The following TCTN1 variants were observed in gnomAD, a reference collection of about 807,000 sequenced individuals.
TCTN1 encodes the protein tectonic family member 1, also known as tectonic-1.
TCTN1 carries 58 observed loss-of-function variants against 65.8 expected under a neutral mutation model. That is an observed-to-expected ratio of 0.88 (90% CI 0.71 to 1.10). The LOEUF is 1.10. Ranked by LOEUF, TCTN1 falls within the 50% of genes least tolerant of loss-of-function variation. The pLI is 0.00. For missense variants in TCTN1, 645 were observed against 719.4 expected, an observed-to-expected ratio of 0.90 and a Z score of 1.18; for synonymous variants, 273 against 289.1, an observed-to-expected ratio of 0.94 and a Z score of 0.57.
chr12:110,636,456 T>C, intron 6 of TCTN1, 25 bp from the exon 7 acceptor site: 2 of 1,361,648 alleles, frequency 1.5e-6, no homozygotes, highest in East Asian at 2.4e-5. Context: ...CTTAACACAA[T>C]TTTTTGTGGT....
chr12:110,631,693 C>T (rs1418354954), intron 4 of TCTN1, among the ~76,000 whole-genome samples: 1 of 152,192 alleles, frequency 6.6e-6, no homozygotes, highest in East Asian at 1.9e-4. Context: ...CTGAGCTGTT[C>T]CACTCTTAAC....
intron 6 of TCTN1, chr12:110,636,079 G>A (rs2066550100): frequency 8.7e-6 from 2 of 230,332 alleles, no homozygotes; most frequent in South Asian, 6.0e-5. Flanking sequence ...TTAGGAGTCT[G>A]TGGAAATCGC....
chr12:110,617,668 T>A (rs1175561052), intron 1 of TCTN1, among the ~76,000 whole-genome samples: 9 of 150,764 alleles, frequency 6.0e-5, no homozygotes, highest in Admixed American at 6.0e-4. Context: ...TGAGATGGAA[T>A]CTTGCCCTGT....
intron 4 of TCTN1, among the ~76,000 whole-genome samples, chr12:110,630,753 C>CT (rs1052426227): frequency 6.6e-6 from 1 of 152,032 alleles, no homozygotes; most frequent in African/African-American, 2.4e-5. Flanking sequence ...TAGAAAATTC[C>CT]TTTTTCAGTG....
chr12:110,635,455 A>T (rs900080845), intron 6 of TCTN1, among the ~76,000 whole-genome samples: 3 of 152,150 alleles, frequency 2.0e-5, no homozygotes, highest in African/African-American at 7.2e-5. Flanking sequence ...TCCCTACAAA[A>T]AATAATAAAA....
At position 110,632,541 on chromosome 12, in the gene TCTN1, A is replaced by G. The variant is rs1472091380; in HGVS notation, c.694A>G (p.Thr232Ala). The G allele has an allele frequency of 1.9e-6, 3 of 1,614,022 alleles. No homozygotes were observed. The highest frequency in any genetic ancestry group is 2.2e-5 in the East Asian group (1 of 44,880). ...FPSSLTSSLCTDNNPAAFLVN... is the reference protein window; with the variant it reads ...FPSSLTSSLCADNNPAAFLVN... ...TTCGTCCCTGACATCATCTCTGTGC[A>G]CTGATAATAACCCTGCAGGTAAGAA... Residue 232 changes from threonine to alanine, a missense_variant, in exon 5 of 15, where the codon ACT (threonine) becomes GCT (alanine). Thr to Ala is a moderately conservative substitution (Grantham distance 58). Coordinates refer to ENST00000397659, the MANE Select transcript of TCTN1 (RefSeq NM_001082538.3).
chr12:110,616,250 C>CTTT, intron 1 of TCTN1: 1 of 445,442 alleles, frequency 2.2e-6, no homozygotes, highest in Non-Finnish European at 4.5e-6. Context: ...TGTCCTCACA[C>CTTT]TTTATTTTTT....
At position 110,614,151 on chromosome 12, in the gene TCTN1, A is replaced by C. The variant is rs746566923; in HGVS notation, c.-32A>C. On this transcript the variant is annotated 5_prime_UTR_variant, in exon 1 of 15. An upstream start codon of the reference 5' UTR is lost. Coordinates refer to ENST00000397659, the MANE Select transcript of TCTN1 (RefSeq NM_001082538.3). ...GCGGTTGCCGGGCAACGCGCTGTCC[A>C]TGTCGCGGGCCTCGCTGGGACTCCC... 3.2e-6 allele frequency: 5 copies of C among 1,545,872 alleles called. No homozygotes were observed. The highest frequency in any genetic ancestry group is 4.4e-6 in the Non-Finnish European group (5 of 1,146,792).
chr12:110,627,098 CTTTTT>C (rs1272922586), intron 3 of TCTN1, among the ~76,000 whole-genome samples: 1 of 130,636 alleles, frequency 7.7e-6, no homozygotes, highest in Non-Finnish European at 1.6e-5. Flanking sequence ...TTCTTTCTTT[CTTTTT>C]TTTTTTTTTT....
intron 2 of TCTN1, among the ~76,000 whole-genome samples, chr12:110,620,962 G>A (rs886205432): frequency 4.6e-5 from 7 of 151,982 alleles, no homozygotes; most frequent in African/African-American, 7.2e-5. Flanking sequence ...ACAGGTGCAC[G>A]CCACGATGCC....
rs983453436 is a variant in TCTN1 at position 110,649,253 on chromosome 12, A to G, written c.*212A>G. On this transcript the variant is annotated 3_prime_UTR_variant, in exon 15 of 15. Transcript: ENST00000397659. ...AGCTCTTGGTGGTACTGGACCTTCC[A>G]CAAGGCTGTGTCCACCCAGAATCCA... 4 of 683,138 alleles carry G rather than the reference A, an allele frequency of 5.9e-6. No individual in the cohort carries two copies. Among genetic ancestry groups the G allele is most frequent in the African/African-American group, 5.4e-5 (3 of 55,926 alleles). 42.3% of individuals were successfully genotyped at this position (683,138 alleles called of 1,614,324 possible).
Position 110,644,411 on chromosome 12 carries a change from C to T in TCTN1, c.1332-556C>T, listed in dbSNP as rs1593372338. 5.9e-6 allele frequency: 1 copy of T among 168,468 alleles called. No homozygotes were observed. Among genetic ancestry groups the T allele is most frequent in the Admixed American group, 5.6e-5 (1 of 17,762 alleles). 10.4% of individuals were successfully genotyped at this position (168,468 alleles called of 1,614,324 possible). A position where few individuals can be genotyped will look rare whatever the true frequency, so the allele number is the denominator to read the frequency against. On this transcript the variant is annotated intron_variant, in intron 11 of 14. Transcript: ENST00000397659. The surrounding 1 kb of genome is among the most constrained non-coding windows in gnomAD (Gnocchi z 4.6). ...GCTCGTGGGGCTGAGAGCAGTGGCTCACGCCTGTAATCCCAGCACTTCGGG... is the reference window on the plus strand; with the variant it reads ...GCTCGTGGGGCTGAGAGCAGTGGCTTACGCCTGTAATCCCAGCACTTCGGG...
At chr12:110,619,981 A>G (rs754778537) in intron 2 of TCTN1, 25 bp downstream of exon 2, 1 of 1,614,160 alleles carries the variant, frequency 6.2e-7, no homozygotes, top group Non-Finnish European at 8.5e-7. Flanking sequence ...GACACATGCA[A>G]TTTTGAAAAA....
intron 3 of TCTN1, 136 bp downstream of exon 3, chr12:110,626,628 G>T: frequency 1.6e-5 from 13 of 812,148 alleles, no homozygotes; most frequent in Admixed American, 2.7e-5. Context: ...CACCCAGGCT[G>T]GCGTGCAGTG....
Position 110,647,205 on chromosome 12 carries a change from T to G in TCTN1, c.1504T>G (p.Leu502Val). 2 of 1,614,238 alleles carry G rather than the reference T, an allele frequency of 1.2e-6. No homozygotes were observed. Among genetic ancestry groups the G allele is most frequent in the Non-Finnish European group, 1.7e-6 (2 of 1,180,048 alleles). Residue 502 changes from leucine to valine, a missense_variant, in exon 13 of 15, where the codon TTG becomes GTG. Coordinates refer to ENST00000397659, the MANE Select transcript of TCTN1 (RefSeq NM_001082538.3). ...TQSFNRKHFV[L>V]QDSCQLPGAL... ...TCTAATGGATTAACAGCATTTTGTT[T>G]TGCAGGATTCCTGCCAGCTCCCAGG...
intron 3 of TCTN1, 113 bp from the exon 4 acceptor site, chr12:110,628,654 T>G: frequency 2.0e-6 from 2 of 987,414 alleles, no homozygotes; most frequent in Non-Finnish European, 3.0e-6. Context: ...ACACTATTTG[T>G]TTTTTACATC....
intron 6 of TCTN1, 94 bp downstream of exon 6, chr12:110,634,873 C>A: frequency 1.1e-6 from 1 of 907,986 alleles, no homozygotes; most frequent in Non-Finnish European, 1.8e-6. Context: ...AATTTCAGTA[C>A]ATGATTGACA....
At chr12:110,616,988 A>G (rs2065084115) in intron 1 of TCTN1, 1 of 152,228 alleles carries the variant, frequency 6.6e-6, no homozygotes, top group Non-Finnish European at 1.5e-5. Context: ...TGGATGATTA[A>G]GTACACTCGC....
At chr12:110,632,688 C>G in intron 5 of TCTN1, 129 bp downstream of exon 5, 1 of 909,776 alleles carries the variant, frequency 1.1e-6, no homozygotes, top group Non-Finnish European at 1.8e-6. Context: ...CAACTTAATA[C>G]TTTACATTTG....
Sources: gnomAD v4.1 joint callset for allele counts (sites outside exome capture counted in the v4.1 genomes callset) on GRCh38, gnomAD v4.1.1 for gene constraint, Gnocchi (gnomAD v3.1) non-coding constraint, MANE v1.5 for transcripts, NCBI Gene and HGNC (gene_info 2026-07-23, HGNC 2026-07-21) for gene names.